Variants in PREX2 observed in about 807,000 individuals in gnomAD.
The protein encoded by PREX2 is phosphatidylinositol-3,4,5-trisphosphate dependent Rac exchange factor 2, also known as phosphatidylinositol 3,4,5-trisphosphate-dependent Rac exchanger 2 protein.
A neutral mutation model predicts 203.2 loss-of-function variants in PREX2; 107 were observed. The observed-to-expected ratio is 0.53, with a 90% CI of 0.45 to 0.62. PREX2 has a LOEUF of 0.62. Among genes scored for constraint, PREX2 ranks in the 20% least tolerant of loss-of-function variants. The pLI, the probability that PREX2 is intolerant of heterozygous loss-of-function variation, is 0.00. For synonymous variants in PREX2, 672 were observed against 663.6 expected (o/e 1.01, Z -0.19); for missense variants, 1,777 against 1,955.9 (o/e 0.91, Z 1.72).
chr8:68,107,121 A>G (rs1217904798), intron 23 of PREX2, among the ~76,000 whole-genome samples: 1 of 152,182 alleles, frequency 6.6e-6, no homozygotes, highest in Non-Finnish European at 1.5e-5. Context: ...AGCGTGCTGG[A>G]ACTTAGCAGT....
chr8:67,975,504 C>A lies in PREX2; in HGVS notation c.141+22969C>A, dbSNP rs181853012. ...ACTATGTATCTTTTTTTATTGCCTACCTTTCCAAGTATGTAGTAATATCTT... is the reference window on the plus strand; with the variant it reads ...ACTATGTATCTTTTTTTATTGCCTAACTTTCCAAGTATGTAGTAATATCTT... On this transcript the variant is annotated intron_variant, in intron 1 of 39. Coordinates refer to ENST00000288368, the MANE Select transcript of PREX2 (RefSeq NM_024870.4). 6.4e-3 allele frequency among the ~76,000 whole-genome samples: 977 copies of A among 151,670 alleles called. 7 individuals carry two copies. Among genetic ancestry groups the A allele is most frequent in the Non-Finnish European group, 9.0e-3 (608 of 67,918 alleles).
intron 12 of PREX2, 59 bp downstream of exon 12, chr8:68,069,195 G>A (rs1044449832): frequency 2.4e-6 from 2 of 829,330 alleles, no homozygotes; most frequent in Non-Finnish European, 3.9e-6. Context: ...TTCTTCAGAA[G>A]ATAAAAGGTA....
rs1358370204 is a variant in PREX2, at chr8:68,138,530, G to A, written c.4087+13G>A. 1 of 1,343,734 alleles carries A rather than the reference G, an allele frequency of 7.4e-7. No individual in the cohort carries two copies. Among genetic ancestry groups the A allele is most frequent in the Admixed American group, 1.9e-5 (1 of 51,702 alleles). 83.2% of individuals were successfully genotyped at this position (1,343,734 alleles called of 1,614,324 possible). A position where few individuals can be genotyped will look rare whatever the true frequency, so the allele number is the denominator to read the frequency against. On this transcript the variant is annotated intron_variant, in intron 33 of 39. Coordinates refer to ENST00000288368, the MANE Select transcript of PREX2 (RefSeq NM_024870.4). ...CCTCTGGTTGCAAGTAAGTAATTAG[G>A]TATTTACAAAATTTATTTGGCATCA...
chr8:68,146,767 A>G (rs1371510271), intron 34 of PREX2, among the ~76,000 whole-genome samples: 4 of 152,166 alleles, frequency 2.6e-5, no homozygotes, highest in African/African-American at 9.7e-5. Context: ...ATACCTACAT[A>G]TATGTATGTT....
chr8:68,055,135 A>G (rs767748551), intron 9 of PREX2, among the ~76,000 whole-genome samples: 6 of 152,192 alleles, frequency 3.9e-5, no homozygotes, highest in Non-Finnish European at 5.9e-5. Context: ...TTCCAAAGCA[A>G]CACAACTTTC....
At chr8:68,009,795 G>GTT (rs1263790144) in intron 1 of PREX2, among the ~76,000 whole-genome samples, 1 of 152,052 alleles carries the variant, frequency 6.6e-6, no homozygotes, top group African/African-American at 2.4e-5. Flanking sequence ...AATTGTTTTT[G>GTT]TTTAAGTGTT....
chr8:68,168,414 A>T (rs113048281), intron 35 of PREX2, among the ~76,000 whole-genome samples: 1 of 152,226 alleles, frequency 6.6e-6, no homozygotes, highest in African/African-American at 2.4e-5. Context: ...AGAAAATAGC[A>T]TGAGCATTAA....
At chr8:68,108,011 T>C in intron 23 of PREX2, 98 bp from the exon 24 acceptor site, 1 of 714,580 alleles carries the variant, frequency 1.4e-6, no homozygotes, top group Non-Finnish European at 2.3e-6. Flanking sequence ...CATGATTTAA[T>C]TTGCCTTTGA....
intron 33 of PREX2, among the ~76,000 whole-genome samples, chr8:68,145,115 T>C (rs1483090777): frequency 1.3e-5 from 2 of 152,148 alleles, no homozygotes; most frequent in African/African-American, 4.8e-5. Context: ...GTCTTTATTT[T>C]AGAAATCAGA....
chr8:68,130,497 G>C (rs1254924964), intron 31 of PREX2, among the ~76,000 whole-genome samples: 1 of 152,150 alleles, frequency 6.6e-6, no homozygotes, highest in Non-Finnish European at 1.5e-5. Flanking sequence ...CTCAGTGCCA[G>C]ACACGGTGCT....
intron 33 of PREX2, among the ~76,000 whole-genome samples, chr8:68,142,144 G>A (rs865785430): frequency 1.3e-5 from 2 of 152,072 alleles, no homozygotes; most frequent in Non-Finnish European, 2.9e-5. Context: ...ATCACTCAAA[G>A]TTCATAGTTT....
intron 1 of PREX2, among the ~76,000 whole-genome samples, chr8:67,970,749 G>C (rs566973457): frequency 4.3e-4 from 66 of 152,304 alleles, no homozygotes; most frequent in African/African-American, 1.4e-3. Flanking sequence ...TCATACAGGA[G>C]CCTATTCCAA....
intron 5 of PREX2, 53 bp downstream of exon 5, chr8:68,027,376 C>T: frequency 9.0e-7 from 1 of 1,114,336 alleles, no homozygotes; most frequent in Non-Finnish European, 1.4e-6. Flanking sequence ...ACATATTTTG[C>T]TGATGATCTT....
At chr8:68,019,507 T>C (rs1299012047) in intron 2 of PREX2, 42 bp from the exon 3 acceptor site, 1 of 1,549,838 alleles carries the variant, frequency 6.5e-7, no homozygotes, top group Non-Finnish European at 8.8e-7. Context: ...TTAAAAAAAT[T>C]GCTTCACTAC....
intron 1 of PREX2, among the ~76,000 whole-genome samples, chr8:67,974,762 G>T (rs1357023090): frequency 6.6e-6 from 1 of 152,164 alleles, no homozygotes; most frequent in Non-Finnish European, 1.5e-5. Flanking sequence ...CTAACCTAGA[G>T]ATGATGCAGT....
At chr8:68,082,703 C>T (rs1327802864) in intron 17 of PREX2, 1 of 152,472 alleles carries the variant, frequency 6.6e-6, no homozygotes, top group African/African-American at 2.4e-5. Flanking sequence ...ATAATATCTT[C>T]CTTGTCCTCT....
chr8:68,044,496 G>GAAC lies in PREX2; in HGVS notation c.851_853dup (p.Asn284dup), dbSNP rs1563515205. ...TTAATTCCATCTTAAGACGGTTGAA[G>GAAC]AACAGCAAGGCATCTACAGATGGAC... On this transcript the variant is annotated inframe_insertion, in exon 8 of 40. Transcript: ENST00000288368. 1 of 1,610,190 alleles carries GAAC rather than the reference G, an allele frequency of 6.2e-7. No homozygotes were observed. Among genetic ancestry groups the GAAC allele is most frequent in the East Asian group, 2.2e-5 (1 of 44,836 alleles).
intron 7 of PREX2, among the ~76,000 whole-genome samples, chr8:68,043,511 G>C (rs1439236196): frequency 6.6e-6 from 1 of 152,082 alleles, no homozygotes; most frequent in African/African-American, 2.4e-5. Context: ...GGGCGTTGCA[G>C]TTTGTGTACA....
chr8:67,959,597 T>C (rs1026790675), intron 1 of PREX2, among the ~76,000 whole-genome samples: 1 of 152,124 alleles, frequency 6.6e-6, no homozygotes, highest in Non-Finnish European at 1.5e-5. Flanking sequence ...CACTGGGAGA[T>C]AAGACAAGGC....
Sources: gnomAD v4.1 joint callset for allele counts (sites outside exome capture counted in the v4.1 genomes callset) on GRCh38, gnomAD v4.1.1 for gene constraint, MANE v1.5 for transcripts, NCBI Gene and HGNC (gene_info 2026-07-23, HGNC 2026-07-21) for gene names.